Variants in ITIH6 observed in about 807,000 individuals in gnomAD.
The protein encoded by ITIH6 is inter-alpha-trypsin inhibitor heavy chain H6.
Under a neutral mutation model 58.2 loss-of-function variants are expected in ITIH6, and 60 were observed. The ratio of observed to expected loss-of-function variants is 1.03; its 90% CI spans 0.84 to 1.28. The LOEUF is 1.28. Among genes scored for constraint, ITIH6 ranks in the 50% most tolerant of loss-of-function variants. The pLI, the probability that ITIH6 is intolerant of heterozygous loss-of-function variation, is 0.00. For missense variants in ITIH6, 1,290 were observed against 1,021.1 expected, an observed-to-expected ratio of 1.26 and a Z score of -3.59; for synonymous variants, 493 against 417.4, an observed-to-expected ratio of 1.18 and a Z score of -2.21.
chrX:54,766,998 G>A (rs1928804287), intron 6 of ITIH6, among the ~76,000 whole-genome samples: 2 of 109,962 alleles, frequency 1.8e-5, no homozygotes, highest in Admixed American at 9.8e-5. Flanking sequence ...GGTAGAATTC[G>A]GCTATGAATC....
intron 2 of ITIH6, among the ~76,000 whole-genome samples, chrX:54,792,936 C>T (rs1201902183): frequency 9.0e-6 from 1 of 110,948 alleles, no homozygotes; most frequent in Non-Finnish European, 1.9e-5. Context: ...TTGGAACACT[C>T]CAAGGCTCTG....
chrX:54,753,154 A>G (rs747007275), intron 11 of ITIH6, among the ~76,000 whole-genome samples: 9 of 112,817 alleles, frequency 8.0e-5, no homozygotes, highest in African/African-American at 1.9e-4. Context: ...TACGGTCCTG[A>G]TTTGGCTCCT....
chrX:54,785,463 C>A (rs1929225671), intron 5 of ITIH6, among the ~76,000 whole-genome samples: 1 of 111,151 alleles, frequency 9.0e-6, no homozygotes, highest in African/African-American at 3.3e-5. Flanking sequence ...CAAAACATCT[C>A]ACTTAACCCA....
intron 2 of ITIH6, among the ~76,000 whole-genome samples, chrX:54,794,040 G>A (rs765368191): frequency 2.7e-5 from 3 of 111,576 alleles, no homozygotes; most frequent in Admixed American, 9.5e-5. Context: ...GCTTGACCAA[G>A]GCAGCAGCTT....
At position 54,775,043 on chromosome X, in the gene ITIH6, G is replaced by C. The variant is rs143600550; in HGVS notation, c.787-846C>G. ...AGGCTGTACACTACCTCTTCCCTCTGAAGAGGAAAGAGGAGATGGGAAGAC... is the reference window on the plus strand; with the variant it reads ...AGGCTGTACACTACCTCTTCCCTCTCAAGAGGAAAGAGGAGATGGGAAGAC... On this transcript the variant is annotated intron_variant, in intron 5 of 12. Coordinates refer to ENST00000218436, the MANE Select transcript of ITIH6 (RefSeq NM_198510.3). 6.4e-3 allele frequency among the ~76,000 whole-genome samples: 721 copies of C among 111,867 alleles called. 7 individuals are homozygous for C. Among genetic ancestry groups the C allele is most frequent in the African/African-American group, 0.021 (638 of 30,663 alleles).
At chrX:54,784,791 A>G (rs1442405026) in intron 5 of ITIH6, among the ~76,000 whole-genome samples, 3 of 111,710 alleles carry the variant, frequency 2.7e-5, no homozygotes, top group African/African-American at 9.8e-5. Context: ...GAGGCTCCTC[A>G]ATAAACTAAA....
intron 5 of ITIH6, among the ~76,000 whole-genome samples, chrX:54,782,365 G>A (rs1929165296): frequency 9.0e-6 from 1 of 111,329 alleles, no homozygotes; most frequent in Non-Finnish European, 1.9e-5. Context: ...GTGGTGAGCC[G>A]AGATTGTGCC....
chrX:54,774,841 G>C (rs896457015), intron 5 of ITIH6, among the ~76,000 whole-genome samples: 1 of 111,969 alleles, frequency 8.9e-6, no homozygotes, highest in African/African-American at 3.3e-5. Context: ...TCGGGGCTGG[G>C]ACAGCTGAGG....
rs146289175 is a variant in ITIH6 at position 54,758,335 on chromosome X, C to T, written c.1739G>A (p.Arg580His). The T allele has an allele frequency of 0.011, 13,042 of 1,210,362 alleles. 55 individuals are homozygous for T. Among genetic ancestry groups the T allele is most frequent in the Non-Finnish European group, 0.013 (11,545 of 895,247 alleles). ...GELLDAHFQA[R>H]DTTTRHLLAA... ...CAGCAGGTGGCGAGTGGTGGTGTCA[C>T]GAGCTTGGAAGTGTGCATCCAGCAG... The change falls in exon 8 of 13, where the codon CGT becomes CAT. Residue 580 changes from arginine to histidine, a missense_variant. By Grantham distance (29) the Arg-to-His change is conservative (BLOSUM62 0). Transcript: ENST00000218436.
chrX:54,790,846 C>T lies in ITIH6; in HGVS notation c.607G>A (p.Ala203Thr). The T allele has an allele frequency of 8.3e-7, 1 of 1,212,004 alleles. No individual in the cohort carries two copies. The highest frequency in any genetic ancestry group is 1.8e-5 in the South Asian group (1 of 57,011). ...AGTGCTGCCCACATACTTGCATGGG[C>T]ATTGGTGCGCAGACGGCCGGTCCTC... ...PLRTGRLRTNAHASEVDSPPS... is the reference protein window; with the variant it reads ...PLRTGRLRTNTHASEVDSPPS... Residue 203 changes from alanine to threonine, a missense_variant, in exon 4 of 13, where the codon GCC becomes ACC. By Grantham distance (58) the Ala-to-Thr change is moderately conservative (BLOSUM62 0). Coordinates refer to ENST00000218436, the MANE Select transcript of ITIH6 (RefSeq NM_198510.3).
chrX:54,793,909 G>A (rs986543633), intron 2 of ITIH6, among the ~76,000 whole-genome samples: 1 of 111,358 alleles, frequency 9.0e-6, no homozygotes, highest in South Asian at 3.8e-4. Flanking sequence ...ATGGATCAGA[G>A]CTGGCCTTTG....
At chrX:54,792,638 G>C (rs1391720252) in intron 2 of ITIH6, among the ~76,000 whole-genome samples, 2 of 111,605 alleles carry the variant, frequency 1.8e-5, no homozygotes, top group Admixed American at 1.9e-4. Context: ...AAAGTCTTCT[G>C]GGCCTGACTA....
chrX:54,756,288 T>C (rs1460946164), intron 8 of ITIH6, among the ~76,000 whole-genome samples: 1 of 111,593 alleles, frequency 9.0e-6, no homozygotes, highest in African/African-American at 3.3e-5. Flanking sequence ...ATCACATTCA[T>C]TCTGTGACCA....
chrX:54,757,007 T>G lies in ITIH6; in HGVS notation c.3067A>C (p.Asn1023His), dbSNP rs754559798. The change falls in exon 8 of 13, where the codon AAC (asparagine) becomes CAC (histidine). Residue 1023 changes from asparagine to histidine, a missense_variant. Physicochemically the swap from Asn to His is moderately conservative, Grantham distance 68. Transcript: ENST00000218436. Reference protein sequence around the residue: ...MVESKFVESLNPPAFYTFLTP... With the variant: ...MVESKFVESLHPPAFYTFLTP... ...AGGAAGGTATAGAAAGCTGGTGGGTTCAAGGACTCCACGAACTTGGATTCC... is the reference window on the plus strand; with the variant it reads ...AGGAAGGTATAGAAAGCTGGTGGGTGCAAGGACTCCACGAACTTGGATTCC... 1.7e-6 allele frequency: 2 copies of G among 1,205,748 alleles called. No individual in the cohort carries two copies.
chrX:54,758,052 A>G lies in ITIH6; in HGVS notation c.2022T>C (p.Thr674=). Residue 674 remains threonine, a synonymous_variant, in exon 8 of 13, where the codon ACT becomes ACC. Coordinates refer to ENST00000218436, the MANE Select transcript of ITIH6 (RefSeq NM_198510.3). ...TTAGCATCTTCTTGGTAGAGGCAGT[A>G]GTAGTTGAGGATAAGTAGAACTTTG... ...VKPKFYLSST[T]TASTKKMLSS... The G allele has an allele frequency of 8.3e-7, 1 of 1,211,090 alleles. No homozygotes were observed. The highest frequency in any genetic ancestry group is 1.7e-5 in the African/African-American group (1 of 57,719).
intron 4 of ITIH6, among the ~76,000 whole-genome samples, chrX:54,790,363 T>A (rs1347451310): frequency 8.9e-6 from 1 of 112,124 alleles, no homozygotes; most frequent in Non-Finnish European, 1.9e-5. Context: ...TAGGTGACAT[T>A]TGAAGCAAAC....
intron 9 of ITIH6, among the ~76,000 whole-genome samples, chrX:54,754,222 C>A (rs1338259797): frequency 9.0e-6 from 1 of 111,644 alleles, no homozygotes; most frequent in Non-Finnish European, 1.9e-5. Context: ...TTTCCCTTAA[C>A]TACCAAGGAT....
Position 54,751,055 on chromosome X carries a change from C to T in ITIH6, c.3678G>A (p.Gly1226=). ...GGCCTGAGCCATTGGCCACGTAGAA[C>T]CCCAGGTGGGGTAGTTGCAGGGTAC... ...HPSTLQLPHL[G]FYVANGSGLS... The change falls in exon 12 of 13, where the codon GGG becomes GGA. Residue 1226 remains glycine, a synonymous_variant. Transcript: ENST00000218436. The T allele has an allele frequency of 1.4e-5, 17 of 1,191,319 alleles. No homozygotes were observed. The highest frequency in any genetic ancestry group is 1.9e-5 in the Non-Finnish European group (17 of 885,180).
At chrX:54,765,487 A>T (rs1299733729) in intron 6 of ITIH6, among the ~76,000 whole-genome samples, 7 of 107,369 alleles carry the variant, frequency 6.5e-5, no homozygotes, top group Non-Finnish European at 1.2e-4. Context: ...ATGGCTAGCC[A>T]GTTTTCCCAG....
Sources: allele counts gnomAD v4.1 joint callset (sites outside exome capture counted in the v4.1 genomes callset), GRCh38; gene constraint gnomAD v4.1.1; transcripts MANE v1.5; gene names NCBI Gene and HGNC (gene_info 2026-07-23, HGNC 2026-07-21).